Variants in LSAMP observed in about 807,000 individuals in gnomAD.
LSAMP encodes the protein limbic system-associated membrane protein.
LSAMP carries 7 observed loss-of-function variants against 38.6 expected under a neutral mutation model. The ratio of observed to expected loss-of-function variants is 0.18; its 90% confidence interval spans 0.10 to 0.34. The LOEUF is 0.34. LSAMP is among the 10% of genes least tolerant of loss of function. The pLI is 1.00. For missense variants in LSAMP, 313 were observed against 420.0 expected, an observed-to-expected ratio of 0.75 and a Z score of 2.23; for synonymous variants, 154 against 166.8, an observed-to-expected ratio of 0.92 and a Z score of 0.59.
intron 2 of LSAMP, among the ~76,000 whole-genome samples, chr3:116,061,025 AGTT>A (rs1162285153): frequency 6.6e-6 from 1 of 152,152 alleles, no homozygotes; most frequent in African/African-American, 2.4e-5. Flanking sequence ...ATCATCCTCA[AGTT>A]GCCAGGGAAA....
chr3:116,318,912 A>G (rs1044651268), intron 1 of LSAMP, among the ~76,000 whole-genome samples: 24 of 152,196 alleles, frequency 1.6e-4, no homozygotes, highest in African/African-American at 5.5e-4. Context: ...CACTCTTTCC[A>G]CAAGAAGCAG....
chr3:116,298,266 C>T (rs570434532), intron 1 of LSAMP, among the ~76,000 whole-genome samples: 4 of 152,186 alleles, frequency 2.6e-5, no homozygotes, highest in Admixed American at 1.3e-4. Flanking sequence ...TGCAGAGCCA[C>T]GGACAGAAGG....
intron 1 of LSAMP, among the ~76,000 whole-genome samples, chr3:116,244,011 G>A (rs1023730792): frequency 1.3e-5 from 2 of 152,066 alleles, no homozygotes; most frequent in South Asian, 2.1e-4. Flanking sequence ...ACTTCCTATA[G>A]TAGGTTTCCT....
intron 1 of LSAMP, among the ~76,000 whole-genome samples, chr3:116,183,822 A>C (rs541027320): frequency 1.3e-5 from 2 of 151,982 alleles, no homozygotes; most frequent in South Asian, 4.1e-4. Flanking sequence ...GTGATATCAA[A>C]ATTAGGACAC....
chr3:115,834,874 A>G (rs1934733219), intron 6 of LSAMP, among the ~76,000 whole-genome samples: 1 of 152,158 alleles, frequency 6.6e-6, no homozygotes, highest in South Asian at 2.1e-4. Context: ...CCTACTGGAA[A>G]AAACCCACCA....
At position 115,807,690 on chromosome 3, in the gene LSAMP, C is replaced by T. The variant is rs534489205; in HGVS notation, c.*2627G>A. 4.2e-3 allele frequency: 645 copies of T among 152,268 alleles called. 3 individuals are homozygous for T. The highest frequency in any genetic ancestry group is 0.014 in the African/African-American group (601 of 41,544). 9.4% of individuals were successfully genotyped at this position (152,268 alleles called of 1,614,324 possible). A position where few individuals can be genotyped will look rare whatever the true frequency, so the allele number is the denominator to read the frequency against. On this transcript the variant is annotated 3_prime_UTR_variant, in exon 7 of 7. Transcript: ENST00000490035. ...AAATTAGCATGCGCTTTTCTAAAGCCACACACTTAAGTGTGTGACTGCCTC... is the reference window on the plus strand; with the variant it reads ...AAATTAGCATGCGCTTTTCTAAAGCTACACACTTAAGTGTGTGACTGCCTC...
At chr3:116,147,356 A>G (rs1709513528) in intron 1 of LSAMP, among the ~76,000 whole-genome samples, 1 of 151,902 alleles carries the variant, frequency 6.6e-6, no homozygotes, top group Admixed American at 6.6e-5. Flanking sequence ...AGGTAAACTC[A>G]GCTTTATTAA....
intron 1 of LSAMP, among the ~76,000 whole-genome samples, chr3:116,102,785 A>ATCTGTCTGTCTGTCTGTCTG (rs1553703925): frequency 3.3e-4 from 50 of 151,802 alleles, no homozygotes; most frequent in African/African-American, 1.1e-3. Flanking sequence ...CTATCTATCT[A>ATCTGTCTGTCTGTCTGTCTG]TCTGTCTGTC....
At chr3:116,379,480 G>A (rs932783167) in intron 1 of LSAMP, among the ~76,000 whole-genome samples, 5 of 151,872 alleles carry the variant, frequency 3.3e-5, no homozygotes, top group African/African-American at 9.7e-5. Flanking sequence ...GATAGGCTGG[G>A]GCAGAAATGT....
intron 6 of LSAMP, among the ~76,000 whole-genome samples, chr3:115,828,046 C>T (rs1354653469): frequency 6.6e-6 from 1 of 152,154 alleles, no homozygotes; most frequent in African/African-American, 2.4e-5. Context: ...CTTCAGAAGT[C>T]AAAGCTTTCT....
At chr3:116,090,583 C>T (rs896358379) in intron 1 of LSAMP, among the ~76,000 whole-genome samples, 3 of 152,182 alleles carry the variant, frequency 2.0e-5, no homozygotes, top group Non-Finnish European at 4.4e-5. Context: ...GATTTTGTTT[C>T]GGGGGACCTG....
At chr3:116,324,097 G>T (rs542550499) in intron 1 of LSAMP, among the ~76,000 whole-genome samples, 1 of 152,196 alleles carries the variant, frequency 6.6e-6, no homozygotes, top group South Asian at 2.1e-4. Context: ...AAGTGCTTTG[G>T]TATTGTTTAT....
chr3:116,087,487 C>T (rs1156277409), intron 1 of LSAMP, among the ~76,000 whole-genome samples: 1 of 152,014 alleles, frequency 6.6e-6, no homozygotes, highest in African/African-American at 2.4e-5. Context: ...AAAACAAAAA[C>T]AAAAAAACCT....
intron 1 of LSAMP, among the ~76,000 whole-genome samples, chr3:116,349,505 T>TCA (rs1226781662): frequency 6.9e-6 from 1 of 145,910 alleles, no homozygotes; most frequent in Non-Finnish European, 1.5e-5. Context: ...ACACACACTC[T>TCA]CTCTCTCTCT....
At position 116,358,826 on chromosome 3, in the gene LSAMP, T is replaced by C. The variant is rs540423453; in HGVS notation, c.155+86051A>G. 4.6e-5 allele frequency among the ~76,000 whole-genome samples: 7 copies of C among 152,292 alleles called. 1 individual carries two copies. In the South Asian group the frequency reaches 1.4e-3, roughly 32 times the overall value. ...TTTTTAAAATGGTAATATGTACAAATAGAAAGCTAAAAATTGTTAATAGAA... is the reference window on the plus strand; with the variant it reads ...TTTTTAAAATGGTAATATGTACAAACAGAAAGCTAAAAATTGTTAATAGAA... On this transcript the variant is annotated intron_variant, in intron 1 of 6. Coordinates refer to ENST00000490035, the MANE Select transcript of LSAMP (RefSeq NM_002338.5).
intron 3 of LSAMP, among the ~76,000 whole-genome samples, chr3:115,883,909 CAT>C (rs1559866080): frequency 1.3e-5 from 2 of 151,954 alleles, no homozygotes; most frequent in African/African-American, 4.8e-5. Flanking sequence ...AAATGAAAGA[CAT>C]TAATGATAAG....
intron 1 of LSAMP, among the ~76,000 whole-genome samples, chr3:116,319,491 G>A (rs1303748652): frequency 2.6e-5 from 4 of 152,080 alleles, no homozygotes; most frequent in Non-Finnish European, 5.9e-5. Context: ...ACTTAGAGGG[G>A]CTTTAGTCAC....
At chr3:116,056,807 A>G (rs911079494) in intron 2 of LSAMP, among the ~76,000 whole-genome samples, 1 of 152,166 alleles carries the variant, frequency 6.6e-6, no homozygotes, top group African/African-American at 2.4e-5. Context: ...CCTCATCAAG[A>G]CAGTGGGATC....
At chr3:116,015,370 G>T (rs968869958) in intron 3 of LSAMP, among the ~76,000 whole-genome samples, 1 of 152,106 alleles carries the variant, frequency 6.6e-6, no homozygotes, top group Non-Finnish European at 1.5e-5. Context: ...ACTTAGAAAC[G>T]AAGTTAAATG....
Sources: allele counts gnomAD v4.1 joint callset (sites outside exome capture counted in the v4.1 genomes callset), GRCh38; gene constraint gnomAD v4.1.1; transcripts MANE v1.5; gene names NCBI Gene and HGNC (gene_info 2026-07-23, HGNC 2026-07-21).